The following TMED3 variants were observed in gnomAD, a reference collection of about 807,000 sequenced individuals.
The protein encoded by TMED3 is transmembrane p24 trafficking protein 3.
A neutral mutation model predicts 15.0 loss-of-function variants in TMED3; 9 were observed. The ratio of observed to expected loss-of-function variants is 0.60; its 90% CI spans 0.36 to 1.04. The LOEUF (loss-of-function observed/expected upper bound fraction) is 1.04, where lower values mean the gene tolerates loss of function less well. TMED3 is among the 50% of genes least tolerant of loss of function. TMED3 has a pLI of 0.01. For missense variants in TMED3, 267 were observed against 278.9 expected (o/e 0.96, Z 0.30); for synonymous variants, 117 against 121.4 (o/e 0.96, Z 0.24).
chr15:79,388,790 C>A (rs1192686365), intron 2 of TMED3, among the ~76,000 whole-genome samples: 1 of 152,138 alleles, frequency 6.6e-6, no homozygotes, highest in African/African-American at 2.4e-5. Context: ...GCCATTCTTG[C>A]AGGAGTAAGG....
intron 2 of TMED3, among the ~76,000 whole-genome samples, chr15:79,374,503 C>T (rs1413976893): frequency 6.6e-6 from 1 of 152,060 alleles, no homozygotes; most frequent in African/African-American, 2.4e-5. Context: ...ACCTTTTCTG[C>T]CTGAGGCAAG....
intron 2 of TMED3, among the ~76,000 whole-genome samples, chr15:79,369,093 T>TAAAA (rs34005997): frequency 7.8e-6 from 1 of 128,624 alleles, no homozygotes; most frequent in Non-Finnish European, 1.6e-5. Context: ...GACTCTGTCT[T>TAAAA]AAAAAAAAAA....
At chr15:79,327,889 C>T (rs1237649602) in intron 2 of TMED3, among the ~76,000 whole-genome samples, 3 of 152,156 alleles carry the variant, frequency 2.0e-5, no homozygotes, top group African/African-American at 7.2e-5. Context: ...AAAATAGTTG[C>T]TTCCTTGGGG....
chr15:79,358,883 T>C (rs1353519356), intron 2 of TMED3, among the ~76,000 whole-genome samples: 2 of 152,144 alleles, frequency 1.3e-5, no homozygotes, highest in African/African-American at 4.8e-5. Context: ...AGGAGAGCCG[T>C]GGCCTGGACA....
intron 2 of TMED3, among the ~76,000 whole-genome samples, chr15:79,355,209 G>C (rs891588301): frequency 7.2e-5 from 11 of 152,266 alleles, no homozygotes; most frequent in African/African-American, 2.6e-4. Context: ...CAGGAAGTCA[G>C]CTGTGACATC....
At chr15:79,321,854 G>A in intron 2 of TMED3, 124 bp from the exon 3 acceptor site, 1 of 1,221,324 alleles carries the variant, frequency 8.2e-7, no homozygotes, top group African/African-American at 1.5e-5. Context: ...AAAACCCTTA[G>A]CACAGACTCT....
At position 79,405,250 on chromosome 15, in the gene TMED3, T is replaced by G. The variant is rs116728960; in HGVS notation, c.418-6150T>G. On this transcript the variant is annotated intron_variant, in intron 2 of 2. Coordinates refer to the TMED3 transcript ENST00000424155. ...ATGGTATAGCTTTGATCTAGAACTCTGGGGGTCTGAGCTGAAACTCCCCTG... is the reference window on the plus strand; with the variant it reads ...ATGGTATAGCTTTGATCTAGAACTCGGGGGGTCTGAGCTGAAACTCCCCTG... Among the ~76,000 whole-genome samples, 1,505 of 152,250 alleles carry G rather than the reference T, an allele frequency of 9.9e-3. 18 individuals are homozygous for G. Among genetic ancestry groups the G allele is most frequent in the African/African-American group, 0.035 (1,441 of 41,542 alleles).
intron 2 of TMED3, among the ~76,000 whole-genome samples, chr15:79,382,001 A>C (rs1057208032): frequency 6.6e-6 from 1 of 152,192 alleles, no homozygotes; most frequent in Non-Finnish European, 1.5e-5. Flanking sequence ...CCATTAGTAA[A>C]ATCATGTGCA....
intron 1 of TMED3, among the ~76,000 whole-genome samples, chr15:79,312,662 G>A (rs544637581): frequency 6.6e-6 from 1 of 152,302 alleles, no homozygotes; most frequent in South Asian, 2.1e-4. Flanking sequence ...TTTGCTTTAT[G>A]TGGGTCTTAT....
intron 1 of TMED3, among the ~76,000 whole-genome samples, chr15:79,313,446 C>T (rs2058725923): frequency 6.6e-6 from 1 of 152,134 alleles, no homozygotes; most frequent in South Asian, 2.1e-4. Flanking sequence ...ATTTACTTAA[C>T]CTTGGAACCT....
At chr15:79,327,064 G>A (rs2058790015), downstream of TMED3, among the ~76,000 whole-genome samples, 1 of 152,146 alleles carries the variant, frequency 6.6e-6, no homozygotes, top group African/African-American at 2.4e-5. Flanking sequence ...AACTAATAGA[G>A]TAAGAGCTCA....
chr15:79,401,671 A>G (rs143534168), intron 2 of TMED3, among the ~76,000 whole-genome samples: 2 of 152,258 alleles, frequency 1.3e-5, no homozygotes, highest in Admixed American at 6.5e-5. Flanking sequence ...GAACAGTGAC[A>G]TGGGGTAGTG....
intron 1 of TMED3, among the ~76,000 whole-genome samples, chr15:79,312,256 G>A (rs530045876): frequency 6.6e-6 from 1 of 152,334 alleles, no homozygotes; most frequent in South Asian, 2.1e-4. Context: ...TGTGGTTAGA[G>A]GCACTGAAGG....
chr15:79,404,313 C>G (rs1893872606), intron 2 of TMED3, among the ~76,000 whole-genome samples: 1 of 152,196 alleles, frequency 6.6e-6, no homozygotes, highest in African/African-American at 2.4e-5. Context: ...ATATCAAAGA[C>G]TCAGCATCAG....
At chr15:79,341,615 T>C (rs576131077) in intron 2 of TMED3, among the ~76,000 whole-genome samples, 1 of 152,248 alleles carries the variant, frequency 6.6e-6, no homozygotes, top group East Asian at 1.9e-4. Context: ...CCCAGTAGGC[T>C]GCGGAACAGA....
At chr15:79,383,095 G>A (rs898905242) in intron 2 of TMED3, 34 of 1,455,358 alleles carry the variant, frequency 2.3e-5, no homozygotes, top group Non-Finnish European at 2.9e-5. Flanking sequence ...CTCTTTGCCT[G>A]TAGATCGCCA....
chr15:79,388,438 C>T (rs535385116), intron 2 of TMED3, among the ~76,000 whole-genome samples: 155 of 150,624 alleles, frequency 1.0e-3, no homozygotes, highest in Non-Finnish European at 1.6e-3. Flanking sequence ...TTTTTTAAGA[C>T]GGGCTGAGTA....
intron 2 of TMED3, among the ~76,000 whole-genome samples, chr15:79,353,019 A>T (rs1173939643): frequency 9.3e-6 from 1 of 107,562 alleles, no homozygotes; most frequent in Non-Finnish European, 1.7e-5. Context: ...TATTATATAA[A>T]ATATATATAT....
intron 2 of TMED3, among the ~76,000 whole-genome samples, chr15:79,356,087 C>A (rs2058917780): frequency 6.6e-6 from 1 of 152,090 alleles, no homozygotes; most frequent in Non-Finnish European, 1.5e-5. Context: ...TCTGTTTGCC[C>A]AGCTCCCAGC....
Sources: gnomAD v4.1 joint callset for allele counts (sites outside exome capture counted in the v4.1 genomes callset) on GRCh38, gnomAD v4.1.1 for gene constraint, MANE v1.5 for transcripts, NCBI Gene and HGNC (gene_info 2026-07-23, HGNC 2026-07-21) for gene names.